Variants in FXYD6 observed in about 807,000 individuals in gnomAD.
FXYD6 encodes the protein FXYD domain-containing ion transport regulator 6.
In FXYD6, 7 loss-of-function variants were observed where a neutral mutation model predicts 16.7. The ratio of observed to expected loss-of-function variants is 0.42; its 90% CI spans 0.24 to 0.79. The LOEUF (loss-of-function observed/expected upper bound fraction) is 0.79, where lower values mean the gene tolerates loss of function less well. Ranked by LOEUF, FXYD6 falls within the 30% of genes least tolerant of loss-of-function variation. FXYD6 has a pLI of 0.28. For missense variants in FXYD6, 111 were observed against 116.2 expected (o/e 0.95, Z 0.21); for synonymous variants, 49 against 43.0 (o/e 1.14, Z -0.54).
At chr11:117,851,339 A>T (rs916754868) in intron 1 of FXYD6, among the ~76,000 whole-genome samples, 20 of 152,248 alleles carry the variant, frequency 1.3e-4, no homozygotes, top group Admixed American at 1.2e-3. Flanking sequence ...GCTAGCTGCC[A>T]TGTCTTAAGG....
In FXYD6 at chr11:117,840,279, T is replaced by C. The variant is rs772929256; in HGVS notation, c.259+40A>G. On this transcript the variant is annotated intron_variant, in intron 6 of 7. Transcript: ENST00000526014. ...CTGAGCCACAGAGGGGTCTCTCTGT[T>C]CCCTCTTTTCCACCTGGGCAGGTGG... The C allele has an allele frequency of 3.1e-6, 5 of 1,613,348 alleles. No individual in the cohort carries two copies. The Middle Eastern group carries it at 6.6e-4, about 212-fold the overall frequency.
intron 7 of FXYD6, chr11:117,838,580 A>T: frequency 2.6e-6 from 1 of 387,450 alleles, no homozygotes; most frequent in South Asian, 4.2e-5. Context: ...TTGGGAAAAA[A>T]AAAATGAAAA....
intron 1 of FXYD6, among the ~76,000 whole-genome samples, chr11:117,846,977 T>C (rs1207658542): frequency 1.3e-5 from 2 of 152,234 alleles, no homozygotes; most frequent in Non-Finnish European, 2.9e-5. Context: ...TGGGGAGAAA[T>C]GACATATTTC....
chr11:117,845,506 A>G (rs1200554481), intron 1 of FXYD6, among the ~76,000 whole-genome samples: 2 of 152,172 alleles, frequency 1.3e-5, no homozygotes, highest in Non-Finnish European at 2.9e-5. Flanking sequence ...TCTGTCCGAC[A>G]TTATGCTTCT....
At chr11:117,847,611 G>A (rs1428930132) in intron 1 of FXYD6, among the ~76,000 whole-genome samples, 1 of 149,986 alleles carries the variant, frequency 6.7e-6, no homozygotes, top group Non-Finnish European at 1.5e-5. Context: ...AGAACATGCG[G>A]TGTTTGGTTT....
intron 1 of FXYD6, among the ~76,000 whole-genome samples, chr11:117,847,333 T>A (rs911942329): frequency 3.3e-5 from 5 of 151,408 alleles, no homozygotes; most frequent in African/African-American, 1.2e-4. Flanking sequence ...TCACGCTGTT[T>A]ATTTCTATTT....
chr11:117,854,260 G>A (rs1248176935), intron 1 of FXYD6, among the ~76,000 whole-genome samples: 4 of 152,194 alleles, frequency 2.6e-5, no homozygotes, highest in African/African-American at 9.7e-5. Flanking sequence ...AAGGACAAAT[G>A]GACCAGGCTT....
At chr11:117,867,398 A>G (rs2057034431) in intron 1 of FXYD6, among the ~76,000 whole-genome samples, 1 of 152,170 alleles carries the variant, frequency 6.6e-6, no homozygotes, top group African/African-American at 2.4e-5. Flanking sequence ...CACTTGCAGT[A>G]TCTCTCTAAT....
chr11:117,839,597 G>A (rs766486836), intron 7 of FXYD6, 184 bp downstream of exon 7: 38 of 630,274 alleles, frequency 6.0e-5, no homozygotes, highest in Middle Eastern at 4.3e-4. Context: ...CACTTCGGGT[G>A]TTTCTAGTCC....
chr11:117,865,548 A>G (rs1182006893), intron 1 of FXYD6, among the ~76,000 whole-genome samples: 2 of 152,226 alleles, frequency 1.3e-5, no homozygotes, highest in African/African-American at 4.8e-5. Flanking sequence ...AAGGAAGGAA[A>G]TTCCAACACA....
intron 1 of FXYD6, among the ~76,000 whole-genome samples, chr11:117,858,631 T>TCTTTCCTTC (rs1215808930): frequency 8.4e-5 from 9 of 106,798 alleles, no homozygotes; most frequent in East Asian, 5.1e-4. Flanking sequence ...TCATTTTCTT[T>TCTTTCCTTC]TTTCTTTCTT....
chr11:117,838,384 C>CAGCCTCGTCTGAG, intron 7 of FXYD6, 107 bp from the exon 8 acceptor site: 1 of 691,684 alleles, frequency 1.4e-6, no homozygotes, highest in Admixed American at 2.0e-5. Flanking sequence ...CCCGGTATGA[C>CAGCCTCGTCTGAG]AGCCTCGTCT....
intron 1 of FXYD6, among the ~76,000 whole-genome samples, chr11:117,865,942 C>T (rs2057004993): frequency 2.0e-5 from 3 of 151,378 alleles, no homozygotes; most frequent in Admixed American, 2.0e-4. Flanking sequence ...AAAAAGAGTG[C>T]CTGTGGTGAG....
chr11:117,845,602 T>C lies in FXYD6; in HGVS notation c.-5-2821A>G, dbSNP rs182329888. ...TCCATTGTGCAGGTAAATGATCATG[T>C]AGTGCTCTAGTCTCCTGCCAATGGA... is the stretch of plus-strand genomic sequence containing the variant. On this transcript the variant is annotated intron_variant, in intron 1 of 7. Coordinates refer to ENST00000526014, the MANE Select transcript of FXYD6 (RefSeq NM_022003.4). Among the ~76,000 whole-genome samples, 555 of 152,360 alleles carry C rather than the reference T, an allele frequency of 3.6e-3. 6 individuals are homozygous for C. The highest frequency in any genetic ancestry group is 2.2e-3 in the Non-Finnish European group (148 of 68,038).
chr11:117,873,859 T>C (rs1297881849), intron 1 of FXYD6, among the ~76,000 whole-genome samples: 1 of 152,088 alleles, frequency 6.6e-6, no homozygotes, highest in Non-Finnish European at 1.5e-5. Context: ...CAAGAAAACA[T>C]AGTGAAGCAG....
intron 7 of FXYD6, chr11:117,838,543 A>G: frequency 2.1e-6 from 1 of 482,632 alleles, no homozygotes; most frequent in Non-Finnish European, 3.7e-6. Context: ...GAGCCTTAGG[A>G]TAAAAGGTTT....
intron 1 of FXYD6, chr11:117,843,996 C>T (rs1426903187): frequency 6.6e-6 from 1 of 152,248 alleles, no homozygotes; most frequent in East Asian, 1.9e-4. Flanking sequence ...TTTCCTGAAC[C>T]AGGAAAGCCC....
chr11:117,860,856 G>A (rs1408800668), intron 1 of FXYD6, among the ~76,000 whole-genome samples: 1 of 152,216 alleles, frequency 6.6e-6, no homozygotes, highest in Non-Finnish European at 1.5e-5. Context: ...GTCCTAAGAA[G>A]CAACTATTAT....
intron 1 of FXYD6, among the ~76,000 whole-genome samples, chr11:117,865,716 A>G (rs1411778218): frequency 6.6e-6 from 1 of 152,080 alleles, no homozygotes; most frequent in Non-Finnish European, 1.5e-5. Context: ...ACCTGAGGTC[A>G]AGAGTTCGAG....
Sources: allele counts gnomAD v4.1 joint callset (sites outside exome capture counted in the v4.1 genomes callset), GRCh38; gene constraint gnomAD v4.1.1; transcripts MANE v1.5; gene names NCBI Gene and HGNC (gene_info 2026-07-23, HGNC 2026-07-21).